The following MAGI1 variants were observed in gnomAD, a reference collection of about 807,000 sequenced individuals.
MAGI1 encodes membrane-associated guanylate kinase, WW and PDZ domain-containing protein 1.
MAGI1 carries 58 observed loss-of-function variants against 139.9 expected under a neutral mutation model. The observed-to-expected ratio is 0.41, with a 90% CI of 0.34 to 0.52. The LOEUF (loss-of-function observed/expected upper bound fraction) is 0.52. MAGI1 is among the 20% of genes least tolerant of loss of function. MAGI1 has a pLI of 0.12. For synonymous variants in MAGI1, 812 were observed against 737.9 expected, an observed-to-expected ratio of 1.10 and a Z score of -1.63; for missense variants, 1,874 against 1,901.6, an observed-to-expected ratio of 0.99 and a Z score of 0.27.
intron 2 of MAGI1, among the ~76,000 whole-genome samples, chr3:65,619,214 A>C (rs1204394494): frequency 6.6e-6 from 1 of 152,188 alleles, no homozygotes; most frequent in Non-Finnish European, 1.5e-5. Flanking sequence ...CAAATGGTAC[A>C]ATTTTGAGAA....
At chr3:65,954,830 G>C (rs982517465) in intron 1 of MAGI1, among the ~76,000 whole-genome samples, 4 of 152,174 alleles carry the variant, frequency 2.6e-5, no homozygotes, top group Non-Finnish European at 5.9e-5. Flanking sequence ...CAGGTACTCA[G>C]AACAGTGCCT....
chr3:65,611,659 A>ATATAGTATATAGT (rs2083130781), intron 2 of MAGI1, among the ~76,000 whole-genome samples: 1 of 147,412 alleles, frequency 6.8e-6, no homozygotes, highest in African/African-American at 2.5e-5. Context: ...TATATACTAT[A>ATATAGTATATAGT]CTATTATAGT....
At chr3:65,929,107 T>A (rs1360581757) in intron 1 of MAGI1, among the ~76,000 whole-genome samples, 1 of 151,016 alleles carries the variant, frequency 6.6e-6, no homozygotes, top group Admixed American at 6.6e-5. Flanking sequence ...TGAGCCATGA[T>A]CCTGCCGGTG....
At chr3:65,682,669 A>C (rs1421830446) in intron 1 of MAGI1, among the ~76,000 whole-genome samples, 1 of 152,208 alleles carries the variant, frequency 6.6e-6, no homozygotes. Flanking sequence ...AAAAATCTTT[A>C]GGATATAGGG....
At chr3:65,888,156 A>C (rs1004702392) in intron 1 of MAGI1, among the ~76,000 whole-genome samples, 2 of 152,206 alleles carry the variant, frequency 1.3e-5, no homozygotes, top group African/African-American at 4.8e-5. Context: ...GATGGTAAGA[A>C]AGCTGCTACA....
chr3:65,627,923 T>C (rs921095933), intron 1 of MAGI1, among the ~76,000 whole-genome samples: 1 of 152,186 alleles, frequency 6.6e-6, no homozygotes, highest in African/African-American at 2.4e-5. Context: ...TTGATGGATG[T>C]AGTTTTTCTT....
At chr3:65,762,221 C>T (rs1430108027) in intron 1 of MAGI1, among the ~76,000 whole-genome samples, 4 of 152,144 alleles carry the variant, frequency 2.6e-5, no homozygotes, top group Non-Finnish European at 5.9e-5. Flanking sequence ...CCCCCTCCAA[C>T]GAGAATCACA....
chr3:65,890,372 A>AAAAC (rs1426305207), intron 1 of MAGI1, among the ~76,000 whole-genome samples: 1 of 152,124 alleles, frequency 6.6e-6, no homozygotes, highest in Non-Finnish European at 1.5e-5. Context: ...CTCAAAACAA[A>AAAAC]AAACAAACAA....
chr3:65,836,780 C>T (rs547904963), intron 1 of MAGI1, among the ~76,000 whole-genome samples: 8 of 152,026 alleles, frequency 5.3e-5, no homozygotes, highest in South Asian at 4.2e-4. Context: ...CAGAGCAAGA[C>T]TCCATCAGAG....
chr3:65,836,592 G>A (rs1325064093), intron 1 of MAGI1, among the ~76,000 whole-genome samples: 3 of 152,074 alleles, frequency 2.0e-5, no homozygotes, highest in East Asian at 3.9e-4. Context: ...AGGCTGAGGC[G>A]GGTGGATCAC....
chr3:65,502,256 A>C (rs944886902), intron 2 of MAGI1, among the ~76,000 whole-genome samples: 11 of 152,218 alleles, frequency 7.2e-5, no homozygotes, highest in African/African-American at 2.2e-4. Context: ...ATGCCACAAA[A>C]ATAAAGCCAT....
intron 1 of MAGI1, among the ~76,000 whole-genome samples, chr3:65,798,026 C>G (rs536226412): frequency 6.6e-6 from 1 of 152,270 alleles, no homozygotes; most frequent in South Asian, 2.1e-4. Flanking sequence ...ATAGCCTTGG[C>G]CTGGTGCAGT....
intron 1 of MAGI1, among the ~76,000 whole-genome samples, chr3:65,960,197 G>A (rs997603810): frequency 6.6e-6 from 1 of 152,116 alleles, no homozygotes. Context: ...TGTTTCCGGA[G>A]TGATTTAAAC....
rs569667945 is a variant in MAGI1 at position 65,381,823 on chromosome 3, T to C, written c.2701+54A>G. The C allele has an allele frequency of 2.3e-5, 34 of 1,492,296 alleles. No homozygotes were observed. The African/African-American group carries it at 2.9e-4, about 13-fold the overall frequency. The allele number at this position is 1,492,296 out of a possible 1,614,324, so 92.4% of individuals were successfully genotyped here. A position where few individuals can be genotyped will look rare whatever the true frequency, so the allele number is the denominator to read the frequency against. ...GGAGGCAGACACAGGAAGGAGGCCTTTTCTGTGAATAAAGTGACAACGCAC... is the reference window on the plus strand; with the variant it reads ...GGAGGCAGACACAGGAAGGAGGCCTCTTCTGTGAATAAAGTGACAACGCAC... On this transcript the variant is annotated intron_variant, in intron 16 of 22. Transcript: ENST00000402939.
rs913927819 is a variant in MAGI1 at position 65,526,192 on chromosome 3, T to C, written c.431-32561A>G. Among the ~76,000 whole-genome samples the C allele has an allele frequency of 2.0e-5, 3 of 152,182 alleles. No individual in the cohort carries two copies. The East Asian group carries it at 5.8e-4, about 29-fold the overall frequency. On this transcript the variant is annotated intron_variant, in intron 2 of 22. Coordinates refer to ENST00000402939, the MANE Select transcript of MAGI1 (RefSeq NM_001033057.2). ...GATATATGCTTGTTTCACTTTTCTTTTTTTCCTGCCCTCCTTGATGTTCAG... is the reference window on the plus strand; with the variant it reads ...GATATATGCTTGTTTCACTTTTCTTCTTTTCCTGCCCTCCTTGATGTTCAG...
chr3:66,012,425 C>T (rs537126759), intron 1 of MAGI1, among the ~76,000 whole-genome samples: 57 of 151,710 alleles, frequency 3.8e-4, no homozygotes, highest in Non-Finnish European at 7.1e-4. Context: ...ACCAGTCTTA[C>T]CTTGAAACAA....
At position 65,356,846 on chromosome 3, in the gene MAGI1, C is replaced by T. The variant is rs776538913; in HGVS notation, c.3921G>A (p.Ala1307=). 3 of 1,613,648 alleles carry T rather than the reference C, an allele frequency of 1.9e-6. No homozygotes were observed. Among genetic ancestry groups the T allele is most frequent in the East Asian group, 2.2e-5 (1 of 44,854 alleles). Residue 1307 remains alanine, a synonymous_variant, in exon 23 of 23, where the codon GCG becomes GCA. Coordinates refer to ENST00000402939, the MANE Select transcript of MAGI1 (RefSeq NM_001033057.2). ...TGGCGGCTGCCGCGCGCTCGGCCTGCGCGTCCCTCCGTCCCTCCGGCGCCC... is the reference window on the plus strand; with the variant it reads ...TGGCGGCTGCCGCGCGCTCGGCCTGTGCGTCCCTCCGTCCCTCCGGCGCCC... ...KDRAPEGRRD[A]QAERAAAANG...
At chr3:65,755,906 A>C (rs2036526892) in intron 1 of MAGI1, among the ~76,000 whole-genome samples, 1 of 152,226 alleles carries the variant, frequency 6.6e-6, no homozygotes, top group South Asian at 2.1e-4. Flanking sequence ...GAATAATCTA[A>C]ACCTAGATAA....
chr3:65,859,687 C>T (rs1441574436), intron 1 of MAGI1, among the ~76,000 whole-genome samples: 4 of 150,710 alleles, frequency 2.7e-5, no homozygotes, highest in South Asian at 2.1e-4. Flanking sequence ...TGCCACTGCA[C>T]GCCAGCCTGG....
Sources: allele counts gnomAD v4.1 joint callset (sites outside exome capture counted in the v4.1 genomes callset), GRCh38; gene constraint gnomAD v4.1.1; transcripts MANE v1.5; gene names NCBI Gene and HGNC (gene_info 2026-07-23, HGNC 2026-07-21).